The following NRXN1 variants were observed in gnomAD, a reference collection of about 807,000 sequenced individuals.
The protein encoded by NRXN1 is neurexin 1.
In NRXN1, 39 loss-of-function variants were observed where a neutral mutation model predicts 150.9. The observed-to-expected ratio is 0.26, with a 90% CI of 0.20 to 0.34. NRXN1 has a LOEUF of 0.34. NRXN1 is among the 10% of genes least tolerant of loss of function. The pLI is 1.00. For synonymous variants in NRXN1, 924 were observed against 757.0 expected (o/e 1.22, Z -3.62); for missense variants, 1,815 against 1,949.9 (o/e 0.93, Z 1.30).
intron 5 of NRXN1, among the ~76,000 whole-genome samples, chr2:50,723,057 T>G (rs930693121): frequency 3.3e-5 from 5 of 152,106 alleles, no homozygotes; most frequent in African/African-American, 1.2e-4. Context: ...AGTAGATGTT[T>G]CTGGCTGCTT....
intron 5 of NRXN1, among the ~76,000 whole-genome samples, chr2:50,666,579 A>C (rs1039961728): frequency 2.6e-5 from 4 of 151,832 alleles, no homozygotes; most frequent in Admixed American, 6.6e-5. Context: ...GTTCTTCCAC[A>C]TTTTCGCCAA....
intron 5 of NRXN1, among the ~76,000 whole-genome samples, chr2:50,730,040 A>T (rs542745641): frequency 1.3e-5 from 2 of 152,298 alleles, no homozygotes; most frequent in Admixed American, 6.5e-5. Context: ...CTCTCGACAG[A>T]TGAGGCACCC....
At chr2:50,010,383 C>T (rs1293836154) in intron 21 of NRXN1, among the ~76,000 whole-genome samples, 1 of 152,078 alleles carries the variant, frequency 6.6e-6, no homozygotes, top group Non-Finnish European at 1.5e-5. Flanking sequence ...TTCCTTGGAG[C>T]CTGATGTTAT....
chr2:50,047,577 G>A (rs531686250), intron 21 of NRXN1, among the ~76,000 whole-genome samples: 37 of 152,104 alleles, frequency 2.4e-4, no homozygotes, highest in African/African-American at 8.4e-4. Flanking sequence ...CTGAAGAAAT[G>A]CCTGAAGATT....
At chr2:50,159,631 G>A (rs1001499370) in intron 18 of NRXN1, among the ~76,000 whole-genome samples, 1 of 152,166 alleles carries the variant, frequency 6.6e-6, no homozygotes, top group Admixed American at 6.6e-5. Flanking sequence ...AATAAGCATT[G>A]CCAAGCCATT....
At chr2:50,595,522 C>G (rs1188793762) in intron 8 of NRXN1, among the ~76,000 whole-genome samples, 1 of 152,060 alleles carries the variant, frequency 6.6e-6, no homozygotes, top group Non-Finnish European at 1.5e-5. Flanking sequence ...CAGATAAGAG[C>G]CAGAGTAACA....
At chr2:50,438,030 T>A (rs1286029439) in intron 17 of NRXN1, among the ~76,000 whole-genome samples, 1 of 152,146 alleles carries the variant, frequency 6.6e-6, no homozygotes, top group African/African-American at 2.4e-5. Context: ...TGTTCTAAGT[T>A]CTACAGCCAG....
chr2:50,812,527 A>G (rs1668359026), intron 5 of NRXN1, among the ~76,000 whole-genome samples: 1 of 152,150 alleles, frequency 6.6e-6, no homozygotes, highest in South Asian at 2.1e-4. Context: ...TGTATTCATT[A>G]CAAACATATT....
intron 21 of NRXN1, among the ~76,000 whole-genome samples, chr2:50,047,039 GGAAGGGAACAATAT>G (rs1387178600): frequency 6.6e-6 from 1 of 152,122 alleles, no homozygotes; most frequent in Non-Finnish European, 1.5e-5. Flanking sequence ...GATGCATTAA[GGAAGGGAACAATAT>G]GACTGTATTT....
intron 13 of NRXN1, among the ~76,000 whole-genome samples, chr2:50,501,064 G>A (rs904187984): frequency 1.3e-5 from 2 of 152,202 alleles, no homozygotes; most frequent in Admixed American, 6.5e-5. Context: ...TTTGATGAAC[G>A]AGGTATTGTG....
chr2:49,994,092 T>G lies in NRXN1; in HGVS notation c.4129-50301A>C, dbSNP rs147389158. 1.4e-4 allele frequency among the ~76,000 whole-genome samples: 22 copies of G among 152,266 alleles called. No individual in the cohort carries two copies. In the East Asian group the frequency reaches 4.3e-3, roughly 30 times the overall value. ...AGAATCACACCGGGGATCCTCTGTT[T>G]CCCTTCACAAGCAGAGTCTCTCAGG... is the stretch of plus-strand genomic sequence containing the variant. On this transcript the variant is annotated intron_variant, in intron 21 of 22. Transcript: ENST00000401669.
intron 17 of NRXN1, among the ~76,000 whole-genome samples, chr2:50,416,837 C>T (rs1182677560): frequency 2.0e-5 from 3 of 152,116 alleles, no homozygotes; most frequent in Non-Finnish European, 4.4e-5. Flanking sequence ...GTCCCTTCCA[C>T]GACCCTTGAG....
chr2:50,763,970 G>A (rs1269904657), intron 5 of NRXN1, among the ~76,000 whole-genome samples: 3 of 151,056 alleles, frequency 2.0e-5, no homozygotes, highest in Non-Finnish European at 4.4e-5. Context: ...CACATCCTGG[G>A]AATGCATTAG....
intron 17 of NRXN1, among the ~76,000 whole-genome samples, chr2:50,446,049 A>G (rs779838796): frequency 2.0e-5 from 3 of 152,122 alleles, no homozygotes; most frequent in Non-Finnish European, 4.4e-5. Flanking sequence ...ACTGTATTGT[A>G]TCATATTATT....
intron 19 of NRXN1, among the ~76,000 whole-genome samples, chr2:50,074,723 T>C (rs950802048): frequency 6.6e-6 from 1 of 152,194 alleles, no homozygotes; most frequent in African/African-American, 2.4e-5. Context: ...AAAGTTACCA[T>C]AGCCCAGGAA....
At chr2:50,448,407 G>T (rs1214936816) in intron 17 of NRXN1, among the ~76,000 whole-genome samples, 3 of 151,996 alleles carry the variant, frequency 2.0e-5, no homozygotes, top group African/African-American at 7.2e-5. Flanking sequence ...AGAAAAGCAG[G>T]AAAAAAACGT....
chr2:50,087,167 G>C (rs1698905373), intron 19 of NRXN1, among the ~76,000 whole-genome samples: 1 of 152,000 alleles, frequency 6.6e-6, no homozygotes, highest in Admixed American at 6.6e-5. Context: ...TCAGAAATTA[G>C]CCAAATATGA....
At chr2:49,926,246 T>C (rs1170672136) in intron 22 of NRXN1, 3 of 397,824 alleles carry the variant, frequency 7.5e-6, no homozygotes, top group Admixed American at 4.4e-5. Flanking sequence ...CAAATGGCTA[T>C]AGAAAAATCC....
intron 18 of NRXN1, among the ~76,000 whole-genome samples, chr2:50,169,424 G>A (rs761587108): frequency 2.4e-4 from 37 of 151,984 alleles, no homozygotes; most frequent in Non-Finnish European, 2.4e-4. Context: ...AAAATATATG[G>A]ATGAGGTAGG....
Sources: allele counts gnomAD v4.1 joint callset (sites outside exome capture counted in the v4.1 genomes callset), GRCh38; gene constraint gnomAD v4.1.1; transcripts MANE v1.5; gene names NCBI Gene and HGNC (gene_info 2026-07-23, HGNC 2026-07-21).